Variants in NAALADL2 observed in about 807,000 individuals in gnomAD.
NAALADL2 encodes the protein inactive N-acetylated-alpha-linked acidic dipeptidase-like protein 2.
In NAALADL2, 76 loss-of-function variants were observed where a neutral mutation model predicts 87.2. The observed-to-expected ratio is 0.87, with a 90% CI of 0.72 to 1.05. The LOEUF is 1.05. Among genes scored for constraint, NAALADL2 ranks in the 50% least tolerant of loss-of-function variants. NAALADL2 has a pLI of 0.00. For missense variants in NAALADL2, 1,089 were observed against 945.8 expected, an observed-to-expected ratio of 1.15 and a Z score of -1.99; for synonymous variants, 354 against 331.0, an observed-to-expected ratio of 1.07 and a Z score of -0.75.
intron 11 of NAALADL2, among the ~76,000 whole-genome samples, chr3:175,695,564 T>TAA (rs1352354556): frequency 6.6e-6 from 1 of 152,202 alleles, no homozygotes; most frequent in East Asian, 1.9e-4. Context: ...GGCACACTTA[T>TAA]CACTCTCTTT....
At position 175,717,246 on chromosome 3, in the gene NAALADL2, T is replaced by C. The variant is rs144593252; in HGVS notation, c.1897-20060T>C. Among the ~76,000 whole-genome samples, 6 of 152,242 alleles carry C rather than the reference T, an allele frequency of 3.9e-5. No individual in the cohort carries two copies. The East Asian group carries it at 1.2e-3, about 29-fold the overall frequency. ...AGGCATGGCGCAGCCACATTATCCT[T>C]TTGAGGCAGGGCTACAAGCACTGAT... On this transcript the variant is annotated intron_variant, in intron 11 of 13. Transcript: ENST00000454872.
At chr3:175,077,102 G>A (rs138918714) in intron 1 of NAALADL2, among the ~76,000 whole-genome samples, 5 of 152,268 alleles carry the variant, frequency 3.3e-5, no homozygotes, top group Admixed American at 1.3e-4. Context: ...TCAAATGGCA[G>A]ATGTACTGTG....
At chr3:174,518,588 A>C (rs2108405683) in intron 1 of NAALADL2, among the ~76,000 whole-genome samples, 1 of 152,280 alleles carries the variant, frequency 6.6e-6, no homozygotes, top group Non-Finnish European at 1.5e-5. Flanking sequence ...TCAGAATAAA[A>C]TTTAATCACC....
At chr3:175,111,412 T>C (rs1431110131) in intron 2 of NAALADL2, among the ~76,000 whole-genome samples, 1 of 151,652 alleles carries the variant, frequency 6.6e-6, no homozygotes, top group African/African-American at 2.4e-5. Flanking sequence ...AACTCTGTCA[T>C]AGGAGTATTT....
At chr3:174,828,194 C>A (rs1006301768) in intron 3 of NAALADL2, among the ~76,000 whole-genome samples, 3 of 152,046 alleles carry the variant, frequency 2.0e-5, no homozygotes, top group African/African-American at 7.2e-5. Context: ...CACAACACAA[C>A]AAAGATTCTC....
chr3:175,123,353 A>C (rs117519055), intron 2 of NAALADL2, among the ~76,000 whole-genome samples: 1 of 152,016 alleles, frequency 6.6e-6, no homozygotes, highest in East Asian at 1.9e-4. Context: ...TGGTAGGGCA[A>C]TGGTCCCAAG....
intron 2 of NAALADL2, among the ~76,000 whole-genome samples, chr3:174,595,798 C>A (rs535565959): frequency 6.6e-6 from 1 of 152,148 alleles, no homozygotes; most frequent in South Asian, 2.1e-4. Context: ...ATCACCTGAG[C>A]TTGGGAGTTC....
intron 1 of NAALADL2, chr3:175,059,991 A>G (rs1220938622): frequency 3.2e-5 from 14 of 435,564 alleles, no homozygotes; most frequent in Admixed American, 5.4e-5. Flanking sequence ...CATTGAGCAC[A>G]TGGAGGCCAG....
intron 1 of NAALADL2, among the ~76,000 whole-genome samples, chr3:175,082,152 A>G (rs1297727726): frequency 6.6e-6 from 1 of 152,150 alleles, no homozygotes; most frequent in Non-Finnish European, 1.5e-5. Flanking sequence ...CAATTTGGGG[A>G]TTCATACCCA....
Position 175,261,572 on chromosome 3 carries a change from CT to C in NAALADL2, c.939+5050del, listed in dbSNP as rs879358700. The stretch of plus-strand genomic sequence containing the variant: ...CACAAAAAATCCAAAAACTCTATTG[CT>C]TTTTTTTATAAATGCAGTAATATGC... On this transcript the variant is annotated intron_variant, in intron 4 of 13. Coordinates refer to ENST00000454872, the MANE Select transcript of NAALADL2 (RefSeq NM_207015.3). Among the ~76,000 whole-genome samples, 68 of 151,854 alleles carry C rather than the reference CT, an allele frequency of 4.5e-4. No individual in the cohort carries two copies. In the East Asian group the frequency reaches 9.5e-3, roughly 21 times the overall value.
intron 2 of NAALADL2, among the ~76,000 whole-genome samples, chr3:174,604,089 G>C (rs900825560): frequency 6.6e-6 from 1 of 152,104 alleles, no homozygotes; most frequent in Non-Finnish European, 1.5e-5. Flanking sequence ...TTGGTCTATA[G>C]TGCAATTTAT....
At chr3:175,461,917 G>A (rs1421447663) in intron 6 of NAALADL2, among the ~76,000 whole-genome samples, 1 of 152,148 alleles carries the variant, frequency 6.6e-6, no homozygotes, top group Non-Finnish European at 1.5e-5. Context: ...AAAGATCAGT[G>A]GTTGCTGCCA....
chr3:175,444,560 G>A (rs553856379), intron 5 of NAALADL2, among the ~76,000 whole-genome samples: 2 of 152,278 alleles, frequency 1.3e-5, no homozygotes, highest in East Asian at 3.9e-4. Context: ...CACCTGTGCA[G>A]TCTCACAGAG....
At chr3:174,781,083 T>G (rs1207684777) in intron 3 of NAALADL2, among the ~76,000 whole-genome samples, 1 of 152,010 alleles carries the variant, frequency 6.6e-6, no homozygotes, top group Non-Finnish European at 1.5e-5. Context: ...AAATTCTTTT[T>G]GTTAAGAATG....
At chr3:175,496,147 A>G (rs1039523307) in intron 9 of NAALADL2, among the ~76,000 whole-genome samples, 4 of 152,150 alleles carry the variant, frequency 2.6e-5, no homozygotes, top group African/African-American at 9.6e-5. Context: ...ATATTAAAAC[A>G]AGATACAATG....
At chr3:175,715,427 CA>C (rs1420424136) in intron 11 of NAALADL2, among the ~76,000 whole-genome samples, 1 of 152,042 alleles carries the variant, frequency 6.6e-6, no homozygotes, top group Non-Finnish European at 1.5e-5. Context: ...TAGTAAATAC[CA>C]AAATTACCAA....
chr3:175,362,447 T>A lies in NAALADL2; in HGVS notation c.1090+38122T>A, dbSNP rs1765132427. Among the ~76,000 whole-genome samples the A allele has an allele frequency of 1.4e-5, 2 of 148,136 alleles. 1 individual carries two copies. The highest frequency in any genetic ancestry group is 3.0e-5 in the Non-Finnish European group (2 of 66,626). Reference sequence around the variant, plus strand: ...TGGGGATGGCATTGAATCTATAAATTACCTTGGGCAGTTATGGCCATTTTC... The same window carrying A: ...TGGGGATGGCATTGAATCTATAAATAACCTTGGGCAGTTATGGCCATTTTC... On this transcript the variant is annotated intron_variant, in intron 5 of 13. Coordinates refer to ENST00000454872, the MANE Select transcript of NAALADL2 (RefSeq NM_207015.3).
chr3:175,425,878 GT>G (rs959744156), intron 5 of NAALADL2, among the ~76,000 whole-genome samples: 2 of 151,944 alleles, frequency 1.3e-5, no homozygotes, highest in Non-Finnish European at 2.9e-5. Context: ...GTATCCCCTT[GT>G]TTTTCAGCTG....
chr3:174,963,586 T>G (rs990505276), intron 1 of NAALADL2, among the ~76,000 whole-genome samples: 2 of 152,170 alleles, frequency 1.3e-5, no homozygotes, highest in Non-Finnish European at 2.9e-5. Context: ...TGTACATGAC[T>G]TCAAGTTTCA....
Sources: allele counts gnomAD v4.1 joint callset (sites outside exome capture counted in the v4.1 genomes callset), GRCh38; gene constraint gnomAD v4.1.1; transcripts MANE v1.5; gene names NCBI Gene and HGNC (gene_info 2026-07-23, HGNC 2026-07-21).